The following ZNF709 variants were observed in gnomAD, a reference collection of about 807,000 sequenced individuals.
ZNF709 encodes the protein zinc finger protein 709.
In ZNF709, 15 loss-of-function variants were observed where a neutral mutation model predicts 10.6. The observed-to-expected ratio is 1.41, with a 90% CI of 0.95 to 2.18. The LOEUF (loss-of-function observed/expected upper bound fraction) is 2.18, where lower values mean the gene tolerates loss of function less well. Ranked by LOEUF, ZNF709 falls within the 30% of genes most tolerant of loss-of-function variation. The probability of loss-of-function intolerance (pLI) is 0.00; values close to 1 mark genes in which losing one functional copy is unlikely to be tolerated. For synonymous variants in ZNF709, 194 were observed against 238.8 expected, an observed-to-expected ratio of 0.81 and a Z score of 1.73; for missense variants, 589 against 774.0, an observed-to-expected ratio of 0.76 and a Z score of 2.84.
Position 12,484,797 on chromosome 19 carries a change from G to C in ZNF709, c.-140C>G. 8.5e-7 allele frequency: 1 copy of C among 1,181,650 alleles called. No homozygotes were observed. The highest frequency in any genetic ancestry group is 2.2e-5 in the Admixed American group (1 of 46,034). 73.2% of individuals were successfully genotyped at this position (1,181,650 alleles called of 1,614,324 possible). On this transcript the variant is annotated 5_prime_UTR_variant, in exon 1 of 4. Coordinates refer to ENST00000397732, the MANE Select transcript of ZNF709 (RefSeq NM_152601.4). Reference sequence around the variant, plus strand: ...CCAGAGCGGAGCGCAGCGGCTGGTAGCCACGCCCTCGCCGTTTGCGCAGCG... The same window carrying C: ...CCAGAGCGGAGCGCAGCGGCTGGTACCCACGCCCTCGCCGTTTGCGCAGCG...
chr19:12,482,508 C>T (rs1479422593), intron 1 of ZNF709, among the ~76,000 whole-genome samples: 1 of 152,060 alleles, frequency 6.6e-6, no homozygotes, highest in African/African-American at 2.4e-5. Context: ...GGTTCTGACC[C>T]AAATGAACTC....
intron 1 of ZNF709, among the ~76,000 whole-genome samples, chr19:12,468,475 T>A (rs1250891314): frequency 6.6e-6 from 1 of 151,910 alleles, no homozygotes; most frequent in Non-Finnish European, 1.5e-5. Context: ...TGTGCTTTGG[T>A]AAACAGATGC....
Position 12,462,916 on chromosome 19 carries a change from TAA to T in ZNF709, c.*1078_*1079del, listed in dbSNP as rs957246725. The T allele has an allele frequency of 1.3e-5, 2 of 152,230 alleles. No individual in the cohort carries two copies. The highest frequency in any genetic ancestry group is 4.8e-5 in the African/African-American group (2 of 41,472). The allele number at this position is 152,230 out of a possible 1,614,324, so 9.4% of individuals were successfully genotyped here. A position where few individuals can be genotyped will look rare whatever the true frequency, so the allele number is the denominator to read the frequency against. ...TCAATTCAACTTGTGTACAACTGTA[TAA>T]GAGCTTACAGAATTATCTCATCTCA... On this transcript the variant is annotated 3_prime_UTR_variant, in exon 4 of 4. Transcript: ENST00000397732.
chr19:12,468,798 A>G (rs1024265231), intron 1 of ZNF709, among the ~76,000 whole-genome samples: 4 of 152,004 alleles, frequency 2.6e-5, no homozygotes, highest in Admixed American at 2.0e-4. Context: ...TTTATCATGT[A>G]CTATATCACT....
Position 12,462,182 on chromosome 19 carries a change from T to C in ZNF709, c.*1814A>G, listed in dbSNP as rs1018450840. 1.3e-5 allele frequency: 2 copies of C among 152,200 alleles called. No individual in the cohort carries two copies. The highest frequency in any genetic ancestry group is 1.9e-4 in the East Asian group (1 of 5,186). 9.4% of individuals were successfully genotyped at this position (152,200 alleles called of 1,614,324 possible). On this transcript the variant is annotated 3_prime_UTR_variant, in exon 4 of 4. Transcript: ENST00000397732. ...GTGGTGGTTCTAAGAATACTCTCAA[T>C]TGGCAGAGCAAAGGATCAGGACAAT...
At chr19:12,470,558 A>G (rs533549969) in intron 1 of ZNF709, among the ~76,000 whole-genome samples, 38 of 152,306 alleles carry the variant, frequency 2.5e-4, no homozygotes, top group African/African-American at 8.2e-4. Context: ...TGTGGTCTCC[A>G]AACATTTGTT....
chr19:12,474,116 A>T (rs8100353), intron 1 of ZNF709, among the ~76,000 whole-genome samples: 40,360 of 152,148 alleles, frequency 0.27, 5,576 homozygotes, highest in South Asian at 0.37. Context: ...GTTGTTAGCT[A>T]TAGGTACTAT....
chr19:12,479,312 A>T (rs1189066059), intron 1 of ZNF709, among the ~76,000 whole-genome samples: 2 of 152,130 alleles, frequency 1.3e-5, no homozygotes, highest in South Asian at 2.1e-4. Flanking sequence ...CAAAAAAAAT[A>T]AAAAATTATC....
chr19:12,484,749 G>A lies in ZNF709; in HGVS notation c.-92C>T, dbSNP rs1248364545. The A allele has an allele frequency of 3.8e-6, 6 of 1,569,852 alleles. No individual in the cohort carries two copies. The South Asian group carries it at 5.6e-5, about 15-fold the overall frequency. ...CACCTGAGGCCCTTCCTCCACCTGA[G>A]GGCCTTCTGGGGTGAGGAGACCCCA... On this transcript the variant is annotated 5_prime_UTR_variant, in exon 1 of 4. Coordinates refer to ENST00000397732, the MANE Select transcript of ZNF709 (RefSeq NM_152601.4).
At chr19:12,466,427 A>T in intron 3 of ZNF709, 35 bp downstream of exon 3, 1 of 1,586,500 alleles carries the variant, frequency 6.3e-7, no homozygotes, top group South Asian at 1.1e-5. Flanking sequence ...AGATTCTCTC[A>T]TAAGACAGTA....
At chr19:12,467,566 G>A (rs1220179804) in intron 1 of ZNF709, among the ~76,000 whole-genome samples, 3 of 152,132 alleles carry the variant, frequency 2.0e-5, no homozygotes, top group Admixed American at 6.5e-5. Flanking sequence ...CTGCCACCCC[G>A]TCTGGGAAGT....
chr19:12,465,854 G>T, intron 3 of ZNF709, 121 bp from the exon 4 acceptor site: 1 of 787,806 alleles, frequency 1.3e-6, no homozygotes, highest in Non-Finnish European at 1.8e-6. Flanking sequence ...GCCATTTTCA[G>T]GGAAAGTGTA....
At position 12,484,689 on chromosome 19, in the gene ZNF709, T is replaced by C. The variant is rs1461926370; in HGVS notation, c.-32A>G. ...GACTCTGGGATGTCCTGGTGTTCTG[T>C]TTACCTCTCCCGCGGCCAGCACAGG... On this transcript the variant is annotated 5_prime_UTR_variant, in exon 1 of 4. Coordinates refer to ENST00000397732, the MANE Select transcript of ZNF709 (RefSeq NM_152601.4). The C allele has an allele frequency of 1.9e-6, 3 of 1,613,868 alleles. No homozygotes were observed. The highest frequency in any genetic ancestry group is 3.3e-4 in the Middle Eastern group (2 of 6,062).
intron 1 of ZNF709, among the ~76,000 whole-genome samples, chr19:12,483,212 C>T (rs75667306): frequency 0.045 from 6,793 of 152,088 alleles, 152 homozygotes; most frequent in Middle Eastern, 0.085. Flanking sequence ...ATGATCAAGG[C>T]TCAAAGCAGC....
At chr19:12,465,948 T>TC (rs1302396031) in intron 3 of ZNF709, among the ~76,000 whole-genome samples, 1 of 151,432 alleles carries the variant, frequency 6.6e-6, no homozygotes, top group Non-Finnish European at 1.5e-5. Flanking sequence ...TTTCTTTTTT[T>TC]TTTTTTTTTT....
intron 1 of ZNF709, among the ~76,000 whole-genome samples, chr19:12,484,300 T>G (rs368125560): frequency 2.6e-5 from 4 of 152,122 alleles, no homozygotes; most frequent in African/African-American, 9.7e-5. Context: ...CACACAACAC[T>G]GCTCCTCCCA....
chr19:12,465,801 T>G, intron 3 of ZNF709, 68 bp from the exon 4 acceptor site: 5 of 1,234,620 alleles, frequency 4.0e-6, no homozygotes, highest in Non-Finnish European at 5.3e-6. Flanking sequence ...TTATAATTAT[T>G]GATTATTTCA....
At chr19:12,466,329 T>C in intron 3 of ZNF709, 133 bp downstream of exon 3, 1 of 849,202 alleles carries the variant, frequency 1.2e-6, no homozygotes, top group Non-Finnish European at 1.8e-6. Flanking sequence ...AAGAAAACGT[T>C]CTTGGCAAAA....
At position 12,470,965 on chromosome 19, in the gene ZNF709, G is replaced by A. The variant is rs562157617; in HGVS notation, c.4-4115C>T. 2.7e-5 allele frequency among the ~76,000 whole-genome samples: 4 copies of A among 150,708 alleles called. No individual in the cohort carries two copies. The South Asian group carries it at 6.3e-4, about 24-fold the overall frequency. ...AAAGAGTGGCTTAGCGTGCCTAAAT[G>A]GTTTATGGAATCAATAGAGTATATA... On this transcript the variant is annotated intron_variant, in intron 1 of 3. Transcript: ENST00000397732.
Sources: gnomAD v4.1 joint callset for allele counts (sites outside exome capture counted in the v4.1 genomes callset) on GRCh38, gnomAD v4.1.1 for gene constraint, MANE v1.5 for transcripts, NCBI Gene and HGNC (gene_info 2026-07-23, HGNC 2026-07-21) for gene names.